CSPP1: variants seen among roughly 807,000 people sequenced by gnomAD.
CSPP1 encodes centrosome and spindle pole-associated protein 1.
CSPP1 carries 126 observed loss-of-function variants against 164.4 expected under a neutral mutation model. The observed-to-expected ratio is 0.77, with a 90% CI of 0.66 to 0.89. The LOEUF (loss-of-function observed/expected upper bound fraction) is 0.89. Ranked by LOEUF, CSPP1 falls within the 40% of genes least tolerant of loss-of-function variation. The pLI is 0.00. For synonymous variants in CSPP1, 472 were observed against 476.7 expected, an observed-to-expected ratio of 0.99 and a Z score of 0.13; for missense variants, 1,395 against 1,449.8, an observed-to-expected ratio of 0.96 and a Z score of 0.61.
At chr8:67,103,626 C>G (rs1304993085) in intron 8 of CSPP1, among the ~76,000 whole-genome samples, 1 of 150,846 alleles carries the variant, frequency 6.6e-6, no homozygotes, top group East Asian at 1.9e-4. Context: ...ATGGTGAAAC[C>G]CAGTCTCTAC....
intron 28 of CSPP1, 85 bp from the exon 29 acceptor site, chr8:67,190,565 T>C (rs929755342): frequency 2.1e-6 from 2 of 967,870 alleles, no homozygotes; most frequent in Non-Finnish European, 3.3e-6. Flanking sequence ...AAGCAAAATC[T>C]TAGTAATTAA....
rs1239594068 is a variant in CSPP1 at position 67,112,038 on chromosome 8, T to C, written c.1160T>C (p.Met387Thr). The change falls in exon 10 of 31, where the codon ATG (methionine) becomes ACG (threonine). Residue 387 changes from methionine (M) to threonine (T), a missense_variant. Physicochemically the swap from Met to Thr is moderately conservative, Grantham distance 81. Coordinates refer to ENST00000678616, the MANE Select transcript of CSPP1 (RefSeq NM_001382391.1). ...TACAGACTAGAACTGTTGGAACAAA[T>C]GGCTGAGCAACAGAGGAACAAGAGA... The part of the protein sequence containing the change: ...EKYRLELLEQ[M>T]AEQQRNKRRE... The C allele has an allele frequency of 1.9e-5, 30 of 1,611,830 alleles. No individual in the cohort carries two copies. The highest frequency in any genetic ancestry group is 2.5e-5 in the Non-Finnish European group (30 of 1,178,836).
At chr8:67,073,042 A>T (rs1314735037) in intron 1 of CSPP1, among the ~76,000 whole-genome samples, 1 of 152,162 alleles carries the variant, frequency 6.6e-6, no homozygotes, top group Non-Finnish European at 1.5e-5. Context: ...GATAACCACT[A>T]AATAAATACA....
In CSPP1 at chr8:67,193,525, A is replaced by T. The variant is rs754548306; in HGVS notation, c.3392A>T (p.Asn1131Ile). 1 of 1,612,892 alleles carries T rather than the reference A, an allele frequency of 6.2e-7. No homozygotes were observed. The highest frequency in any genetic ancestry group is 1.1e-5 in the South Asian group (1 of 91,052). Residue 1131 changes from asparagine to isoleucine, a missense_variant, in exon 30 of 31, where the codon AAT (asparagine) becomes ATT (isoleucine). Asn to Ile is a moderately radical substitution (Grantham distance 149, BLOSUM62 -3). Transcript: ENST00000678616. ...TCTCTAAAATCTATATCCAGTGTAA[A>T]TGTTGATGAGCTTAGAGTGAGAAAT... ...GLSLKSISSV[N>I]VDELRVRNEE...
Position 67,112,125 on chromosome 8 carries a change from T to C in CSPP1, c.1187+60T>C, listed in dbSNP as rs1038022775. 14 of 1,162,228 alleles carry C rather than the reference T, an allele frequency of 1.2e-5. No homozygotes were observed. In the African/African-American group the frequency reaches 2.2e-4, roughly 18 times the overall value. 72.0% of individuals were successfully genotyped at this position (1,162,228 alleles called of 1,614,324 possible). ...GAGTTTAAAGTGCATTTGTGTAAAA[T>C]GACATGGTTAAATAAGGGGTTGTCG... On this transcript the variant is annotated intron_variant, in intron 10 of 30. Coordinates refer to ENST00000678616, the MANE Select transcript of CSPP1 (RefSeq NM_001382391.1).
intron 17 of CSPP1, among the ~76,000 whole-genome samples, chr8:67,146,620 G>C (rs1824624269): frequency 6.6e-6 from 1 of 152,142 alleles, no homozygotes; most frequent in Non-Finnish European, 1.5e-5. Context: ...AAGAGTTTCT[G>C]TGTCAGCCAT....
intron 15 of CSPP1, among the ~76,000 whole-genome samples, chr8:67,126,537 A>G (rs1053252792): frequency 1.3e-5 from 2 of 152,188 alleles, no homozygotes; most frequent in East Asian, 1.9e-4. Flanking sequence ...GCCTATGCCA[A>G]CTGGTTCTGT....
At chr8:67,131,883 AAAC>A in intron 15 of CSPP1, 65 bp from the exon 16 acceptor site, 1 of 1,394,486 alleles carries the variant, frequency 7.2e-7, no homozygotes. Context: ...CTATTTCAAA[AAAC>A]TGTTGTATTT....
chr8:67,095,471 A>G lies in CSPP1; in HGVS notation c.662A>G (p.Asp221Gly). 6.2e-7 allele frequency: 1 copy of G among 1,613,606 alleles called. No individual in the cohort carries two copies. The highest frequency in any genetic ancestry group is 2.2e-5 in the East Asian group (1 of 44,844). ...GAGGAGGACAGATACCGACAACTAGATGATGAAATCGAATTAAGGAATAGA... is the reference window on the plus strand; with the variant it reads ...GAGGAGGACAGATACCGACAACTAGGTGATGAAATCGAATTAAGGAATAGA... The part of the protein sequence containing the change: ...RLEEDRYRQL[D>G]DEIELRNRRI... Residue 221 changes from aspartate to glycine, a missense_variant, in exon 7 of 31, where the codon GAT (aspartate) becomes GGT (glycine). Coordinates refer to ENST00000678616, the MANE Select transcript of CSPP1 (RefSeq NM_001382391.1).
intron 4 of CSPP1, among the ~76,000 whole-genome samples, chr8:67,088,829 G>A (rs966537742): frequency 4.6e-5 from 7 of 151,368 alleles, no homozygotes; most frequent in South Asian, 2.1e-4. Flanking sequence ...CCCTGGAGGC[G>A]GAGCTTGCAG....
At chr8:67,104,248 C>T (rs1203229168) in intron 8 of CSPP1, among the ~76,000 whole-genome samples, 1 of 149,520 alleles carries the variant, frequency 6.7e-6, no homozygotes, top group Non-Finnish European at 1.5e-5. Context: ...TTGTTTCTGT[C>T]TTCCAAGAAA....
At chr8:67,189,948 G>A (rs1038286552) in intron 28 of CSPP1, among the ~76,000 whole-genome samples, 18 of 152,142 alleles carry the variant, frequency 1.2e-4, no homozygotes, top group Admixed American at 8.5e-4. Flanking sequence ...CAAAAAGACC[G>A]ACAATACCAA....
At chr8:67,160,262 C>T (rs866016157) in intron 21 of CSPP1, among the ~76,000 whole-genome samples, 9 of 150,952 alleles carry the variant, frequency 6.0e-5, no homozygotes, top group Non-Finnish European at 8.8e-5. Context: ...GCCAGGAGAT[C>T]GAGACCAGCC....
intron 26 of CSPP1, 118 bp downstream of exon 26, chr8:67,175,554 C>A: frequency 1.7e-6 from 2 of 1,197,554 alleles, no homozygotes; most frequent in Non-Finnish European, 2.4e-6. Flanking sequence ...CAGCCCCATG[C>A]TCACAGGGTC....
rs370606990 is a variant in CSPP1 at position 67,193,559 on chromosome 8, A to G, written c.3426A>G (p.Arg1142=). The part of the protein sequence containing the change: ...VDELRVRNEE[R]MRRLNEFHNK... Reference sequence around the variant, plus strand: ...AGCTTAGAGTGAGAAATGAGGAACGAATGCGAAGACTGAATGAATTTCACA... The same window carrying G: ...AGCTTAGAGTGAGAAATGAGGAACGGATGCGAAGACTGAATGAATTTCACA... Residue 1142 remains arginine, a synonymous_variant, in exon 30 of 31, where the codon CGA becomes CGG. Transcript: ENST00000678616. 4.3e-6 allele frequency: 7 copies of G among 1,613,820 alleles called. No homozygotes were observed. The South Asian group carries it at 5.5e-5, about 13-fold the overall frequency.
At chr8:67,179,124 G>A (rs1832383229) in intron 27 of CSPP1, among the ~76,000 whole-genome samples, 1 of 152,174 alleles carries the variant, frequency 6.6e-6, no homozygotes, top group African/African-American at 2.4e-5. Context: ...GCAGGGAGGT[G>A]GAGTTGGATG....
chr8:67,070,384 C>A (rs7830179), intron 1 of CSPP1, among the ~76,000 whole-genome samples: 150,480 of 150,484 alleles, frequency 1, 75,238 homozygotes, highest in Middle Eastern at 1. Context: ...AATGGCATGA[C>A]CCCGGGAGGT....
intron 9 of CSPP1, among the ~76,000 whole-genome samples, chr8:67,110,356 A>G (rs1445251648): frequency 6.6e-6 from 1 of 152,034 alleles, no homozygotes; most frequent in Non-Finnish European, 1.5e-5. Context: ...CTTTCAGAGA[A>G]TAGTTTAGTC....
intron 3 of CSPP1, 35 bp downstream of exon 3, chr8:67,076,616 T>C: frequency 8.7e-7 from 1 of 1,153,060 alleles, no homozygotes; most frequent in Non-Finnish European, 1.3e-6. Context: ...TATTTTAAGA[T>C]ATCCTTAGTG....
Sources: gnomAD v4.1 joint callset for allele counts (sites outside exome capture counted in the v4.1 genomes callset) on GRCh38, gnomAD v4.1.1 for gene constraint, MANE v1.5 for transcripts, NCBI Gene and HGNC (gene_info 2026-07-23, HGNC 2026-07-21) for gene names.